SUGCT: variants seen among roughly 807,000 people sequenced by gnomAD.
SUGCT encodes the protein succinyl-CoA:glutarate CoA-transferase.
SUGCT carries 41 observed loss-of-function variants against 55.0 expected under a neutral mutation model. That is an observed-to-expected ratio of 0.74 (90% CI 0.58 to 0.97). The LOEUF is 0.97. SUGCT is among the 50% of genes least tolerant of loss of function. SUGCT has a pLI of 0.00. For missense variants in SUGCT, 568 were observed against 547.8 expected, an observed-to-expected ratio of 1.04 and a Z score of -0.37; for synonymous variants, 187 against 200.4, an observed-to-expected ratio of 0.93 and a Z score of 0.56.
chr7:41,029,561 A>G, the SUGCT span, among the ~76,000 whole-genome samples: 2 of 151,846 alleles, frequency 1.3e-5, no homozygotes, highest in Non-Finnish European at 2.9e-5. Flanking sequence ...TCTAGGAAAA[A>G]CCCATGCCAG....
chr7:40,636,411 T>G (rs1399571314), intron 12 of SUGCT, among the ~76,000 whole-genome samples: 5 of 152,206 alleles, frequency 3.3e-5, no homozygotes, highest in Non-Finnish European at 7.3e-5. Context: ...TGCCTCTGTC[T>G]GAGCCTGCAA....
chr7:40,975,455 TC>T, the SUGCT span, among the ~76,000 whole-genome samples: 1 of 152,218 alleles, frequency 6.6e-6, no homozygotes, highest in South Asian at 2.1e-4. Flanking sequence ...TTTGCAAATA[TC>T]AGAATACCCA....
intron 13 of SUGCT, among the ~76,000 whole-genome samples, chr7:40,815,585 C>G (rs1326336346): frequency 6.6e-6 from 1 of 152,042 alleles, no homozygotes; most frequent in Non-Finnish European, 1.5e-5. Context: ...GGCAGGATGA[C>G]TAAGGCAAGC....
chr7:40,849,363 T>G lies in SUGCT; in HGVS notation c.1154-10953T>G, dbSNP rs181409625. ...TAATTACTTTAACCCTTAGTGCTGA[T>G]CAATTGCCAGTGACCTGTGAAGTTG... On this transcript the variant is annotated intron_variant, in intron 13 of 13. Transcript: ENST00000335693. Among the ~76,000 whole-genome samples the G allele has an allele frequency of 5.3e-5, 8 of 152,266 alleles. No individual in the cohort carries two copies. In the East Asian group the frequency reaches 1.4e-3, roughly 26 times the overall value.
chr7:40,279,337 A>G (rs1240187404), intron 8 of SUGCT, among the ~76,000 whole-genome samples: 1 of 152,092 alleles, frequency 6.6e-6, no homozygotes, highest in African/African-American at 2.4e-5. Flanking sequence ...GGCATAAGCA[A>G]TTCCTGGTAC....
chr7:40,156,903 C>G (rs1163669564), intron 1 of SUGCT, among the ~76,000 whole-genome samples: 2 of 151,294 alleles, frequency 1.3e-5, no homozygotes, highest in Admixed American at 6.6e-5. Context: ...GTAAACCCAG[C>G]TACTCAGAGG....
chr7:40,197,627 C>T (rs1562570031), intron 6 of SUGCT, among the ~76,000 whole-genome samples: 1 of 152,158 alleles, frequency 6.6e-6, no homozygotes, highest in Admixed American at 6.6e-5. Flanking sequence ...AGCCCATTTT[C>T]ACCAGTGTGT....
intron 13 of SUGCT, among the ~76,000 whole-genome samples, chr7:40,847,316 C>T (rs1793607281): frequency 6.6e-6 from 1 of 152,016 alleles, no homozygotes; most frequent in Non-Finnish European, 1.5e-5. Flanking sequence ...ACCATTCTCA[C>T]ACACTGCCAA....
chr7:40,642,083 T>A (rs1179376793), intron 12 of SUGCT, among the ~76,000 whole-genome samples: 1 of 152,212 alleles, frequency 6.6e-6, no homozygotes. Context: ...CACTTTGTTT[T>A]GTAAAGTAAG....
intron 8 of SUGCT, among the ~76,000 whole-genome samples, chr7:40,279,145 C>T (rs1792769022): frequency 6.6e-6 from 1 of 151,906 alleles, no homozygotes; most frequent in Non-Finnish European, 1.5e-5. Context: ...CCAGATCTTA[C>T]CAGATCTTAC....
At chr7:40,732,400 T>C (rs758995007) in intron 12 of SUGCT, among the ~76,000 whole-genome samples, 22 of 152,190 alleles carry the variant, frequency 1.4e-4, no homozygotes, top group Non-Finnish European at 2.5e-4. Context: ...CTGAAAAGAC[T>C]CTTTTTCTAA....
chr7:40,554,845 G>A (rs1232917352), intron 12 of SUGCT, among the ~76,000 whole-genome samples: 2 of 152,004 alleles, frequency 1.3e-5, no homozygotes, highest in Non-Finnish European at 2.9e-5. Context: ...CCTAAAGCAT[G>A]ACTTCTGTTT....
In SUGCT at chr7:40,860,339, T is replaced by C; in HGVS notation, c.1177T>C (p.Phe393Leu). ...VPGPAVRYSK[F>L]KMSEARPPPL... is the part of the protein sequence containing the mutation. ...AGGCCCAGCTGTGAGATACAGTAAG[T>C]TCAAGATGTCAGAGGCCAGGCCGCC... is the stretch of plus-strand genomic sequence containing the variant. The change falls in exon 14 of 14, where the codon TTC becomes CTC. Residue 393 changes from phenylalanine to leucine, a missense_variant. By Grantham distance (22) the Phe-to-Leu change is conservative. Transcript: ENST00000335693. The C allele has an allele frequency of 1.2e-6, 2 of 1,613,956 alleles. No homozygotes were observed. Among genetic ancestry groups the C allele is most frequent in the Non-Finnish European group, 1.7e-6 (2 of 1,179,858 alleles).
At chr7:40,707,290 G>A (rs539196821) in intron 12 of SUGCT, among the ~76,000 whole-genome samples, 4 of 146,226 alleles carry the variant, frequency 2.7e-5, no homozygotes, top group South Asian at 2.1e-4. Context: ...CGTTTTCTTC[G>A]TCTCCTTTCT....
intron 1 of SUGCT, among the ~76,000 whole-genome samples, chr7:40,147,650 G>A (rs933525242): frequency 1.4e-4 from 22 of 152,216 alleles, no homozygotes; most frequent in African/African-American, 5.1e-4. Flanking sequence ...CTTTAAGCTA[G>A]GTTGCTGGCC....
chr7:40,316,952 G>C, intron 9 of SUGCT, 97 bp downstream of exon 9: 2 of 208,070 alleles, frequency 9.6e-6, no homozygotes, highest in Non-Finnish European at 1.8e-5. Context: ...AAATCCTTCA[G>C]CTGTTTTTTT....
intron 8 of SUGCT, among the ~76,000 whole-genome samples, chr7:40,302,323 T>A (rs952225407): frequency 8.5e-5 from 13 of 152,304 alleles, no homozygotes; most frequent in African/African-American, 3.1e-4. Flanking sequence ...CCTTGTCCTC[T>A]GCTTTCCCTC....
chr7:40,408,233 C>A lies in SUGCT; in HGVS notation c.817-41054C>A, dbSNP rs185526988. ...ATTCTATTTATCATATATATTGGAG[C>A]TACTATTGAGAAAATATTCTTTAGT... On this transcript the variant is annotated intron_variant, in intron 9 of 13. Coordinates refer to ENST00000335693, the MANE Select transcript of SUGCT (RefSeq NM_001193313.2). Among the ~76,000 whole-genome samples the A allele has an allele frequency of 5.3e-4, 80 of 152,182 alleles. 3 individuals are homozygous for A. The East Asian group carries it at 9.5e-3, about 18-fold the overall frequency.
At chr7:40,440,829 A>G (rs1438009207) in intron 9 of SUGCT, among the ~76,000 whole-genome samples, 1 of 152,060 alleles carries the variant, frequency 6.6e-6, no homozygotes, top group Non-Finnish European at 1.5e-5. Flanking sequence ...GTGAGACTCC[A>G]TCTGAGTAGT....
Sources: allele counts gnomAD v4.1 joint callset (sites outside exome capture counted in the v4.1 genomes callset), GRCh38; gene constraint gnomAD v4.1.1; transcripts MANE v1.5; gene names NCBI Gene and HGNC (gene_info 2026-07-23, HGNC 2026-07-21).